Variants in PIWIL1 observed in about 807,000 individuals in gnomAD.
PIWIL1 encodes piwi like RNA-mediated gene silencing 1.
PIWIL1 carries 73 observed loss-of-function variants against 114.4 expected under a neutral mutation model. The ratio of observed to expected loss-of-function variants is 0.64; its 90% CI spans 0.53 to 0.78. The LOEUF (loss-of-function observed/expected upper bound fraction) is 0.78, where lower values mean the gene tolerates loss of function less well. Ranked by LOEUF, PIWIL1 falls within the 30% of genes least tolerant of loss-of-function variation. PIWIL1 has a pLI of 0.00. For missense variants in PIWIL1, 723 were observed against 1,063.1 expected (o/e 0.68, Z 4.45); for synonymous variants, 375 against 369.0 (o/e 1.02, Z -0.19).
chr12:130,406,276 T>C, the PIWIL1 span: 2 of 1,436,244 alleles, frequency 1.4e-6, no homozygotes, highest in Non-Finnish European at 2.0e-6. Context: ...TAATCGTATT[T>C]TTCTACACAA....
the PIWIL1 span, among the ~76,000 whole-genome samples, chr12:130,391,792 C>T: frequency 2.2e-4 from 4 of 18,490 alleles, no homozygotes; most frequent in African/African-American, 6.9e-4. Context: ...CCACCTGCGA[C>T]ACCCATGGGG....
the PIWIL1 span, chr12:130,424,660 T>G: frequency 4.1e-6 from 5 of 1,231,652 alleles, no homozygotes; most frequent in Non-Finnish European, 5.1e-6. This position sits in a 1 kb window ranked among gnomAD's most constrained non-coding sequence, Gnocchi z 9.8. Context: ...CTGTAGGGCC[T>G]GCCGGGCCTG....
intron 9 of PIWIL1, among the ~76,000 whole-genome samples, chr12:130,353,275 GT>G (rs1185457419): frequency 2.3e-4 from 33 of 142,106 alleles, no homozygotes; most frequent in Non-Finnish European, 3.2e-4. Context: ...GGAGGTGTGT[GT>G]GTGGTTTTTT....
At chr12:130,361,706 A>G (rs2073514442) in intron 16 of PIWIL1, 105 bp downstream of exon 16, 2 of 848,574 alleles carry the variant, frequency 2.4e-6, no homozygotes, top group Non-Finnish European at 3.8e-6. Flanking sequence ...CAGTTTCTCA[A>G]TCATATACAG....
intron 8 of PIWIL1, 75 bp from the exon 9 acceptor site, chr12:130,349,781 G>A: frequency 1.2e-6 from 1 of 838,324 alleles, no homozygotes; most frequent in Non-Finnish European, 1.9e-6. Flanking sequence ...GAGAATACAT[G>A]CTGTCTAGTC....
chr12:130,362,001 G>T (rs766070893), intron 16 of PIWIL1, among the ~76,000 whole-genome samples: 3 of 152,140 alleles, frequency 2.0e-5, no homozygotes, highest in Admixed American at 6.5e-5. Context: ...TAAGGGAATT[G>T]CCAAGAATAG....
the PIWIL1 span, among the ~76,000 whole-genome samples, chr12:130,381,059 AC>A: frequency 2.0e-5 from 3 of 151,132 alleles, no homozygotes; most frequent in African/African-American, 4.9e-5. Context: ...AACATATCCC[AC>A]CCCCCAGAGT....
chr12:130,338,720 G>A (rs1471710173), intron 1 of PIWIL1, among the ~76,000 whole-genome samples: 9 of 114,188 alleles, frequency 7.9e-5, no homozygotes, highest in Admixed American at 7.8e-4. Context: ...GGGTGCGGGG[G>A]CGAGGTCCCA....
Position 130,349,303 on chromosome 12 carries a change from A to G in PIWIL1, c.799A>G (p.Thr267Ala), listed in dbSNP as rs1419448110. ...GTATGAAAACAGCATCATGCTCTGC[A>G]CTGACGTTAGCCATAAAGTCCTTCG... ...LQYENSIMLC[T>A]DVSHKVLRSE... Residue 267 changes from threonine (T) to alanine (A), a missense_variant, in exon 8 of 21, where the codon ACT (threonine) becomes GCT (alanine). Thr to Ala is a moderately conservative substitution (Grantham distance 58). Around this residue, in one of 8 missense-constraint regions of PIWIL1, gnomAD observed 190 missense variants for 294.4 expected, o/e 0.65. Coordinates refer to ENST00000245255, the MANE Select transcript of PIWIL1 (RefSeq NM_004764.5). 2 of 1,614,070 alleles carry G rather than the reference A, an allele frequency of 1.2e-6. No homozygotes were observed. Among genetic ancestry groups the G allele is most frequent in the Non-Finnish European group, 8.5e-7 (1 of 1,180,014 alleles).
chr12:130,389,881 C>T, the PIWIL1 span, among the ~76,000 whole-genome samples: 3 of 152,272 alleles, frequency 2.0e-5, no homozygotes, highest in African/African-American at 7.2e-5. Context: ...GCAAGCTTGT[C>T]GTGCTTTCAT....
the PIWIL1 span, chr12:130,407,702 T>C: frequency 1.9e-6 from 3 of 1,580,128 alleles, no homozygotes; most frequent in East Asian, 2.2e-5. Context: ...GTGTCCGTCA[T>C]GAAGTGCAGT....
chr12:130,423,350 A>G, the PIWIL1 span, among the ~76,000 whole-genome samples: 47,023 of 152,132 alleles, frequency 0.31, 7,934 homozygotes, highest in African/African-American at 0.42. Flanking sequence ...TCACTGAGGC[A>G]CGGATCTCGC....
At chr12:130,348,240 C>A in intron 7 of PIWIL1, 57 bp downstream of exon 7, 1 of 973,624 alleles carries the variant, frequency 1.0e-6, no homozygotes, top group Non-Finnish European at 1.6e-6. Context: ...ACTTTTGAGA[C>A]GATAACCTAA....
At chr12:130,416,778 A>C in the PIWIL1 span, among the ~76,000 whole-genome samples, 78 of 152,146 alleles carry the variant, frequency 5.1e-4, no homozygotes, top group Admixed American at 7.2e-4. Flanking sequence ...AGAGTGAACA[A>C]CACCCTACAG....
chr12:130,348,548 C>T (rs1207272050), intron 7 of PIWIL1, among the ~76,000 whole-genome samples: 1 of 152,170 alleles, frequency 6.6e-6, no homozygotes, highest in African/African-American at 2.4e-5. Context: ...CAGACCTCAG[C>T]ATTATGCAGT....
At position 130,365,543 on chromosome 12, in the gene PIWIL1, G is replaced by A. The variant is rs146565549; in HGVS notation, c.2196-1590G>A. On this transcript the variant is annotated intron_variant, in intron 18 of 20. Transcript: ENST00000245255. ...TAATAGTTATCATTAGAACCACAAT[G>A]TTTGCTTTCAAATTGAAATGTTGCT... Among the ~76,000 whole-genome samples the A allele has an allele frequency of 2.5e-3, 375 of 152,274 alleles. 1 individual carries two copies. The highest frequency in any genetic ancestry group is 7.4e-3 in the African/African-American group (308 of 41,552).
chr12:130,420,569 A>G, the PIWIL1 span, among the ~76,000 whole-genome samples: 1 of 152,234 alleles, frequency 6.6e-6, no homozygotes, highest in Non-Finnish European at 1.5e-5. The surrounding 1 kb of genome is among the most constrained non-coding windows in gnomAD (Gnocchi z 4.3). Flanking sequence ...AAAACTTTAA[A>G]GCTTCTCACT....
chr12:130,339,256 G>C (rs1157990355), intron 1 of PIWIL1, among the ~76,000 whole-genome samples: 2 of 152,136 alleles, frequency 1.3e-5, no homozygotes, highest in African/African-American at 4.8e-5. Context: ...GGAGGGAAAG[G>C]GGCGGCGGGG....
chr12:130,358,890 A>G (rs1182465273), intron 14 of PIWIL1, among the ~76,000 whole-genome samples: 1 of 152,102 alleles, frequency 6.6e-6, no homozygotes, highest in Non-Finnish European at 1.5e-5. Context: ...TTGTACGACT[A>G]TGGCCTGTCG....
Sources: gnomAD v4.1 joint callset for allele counts (sites outside exome capture counted in the v4.1 genomes callset) on GRCh38, gnomAD v4.1.1 for gene constraint, gnomAD v4.1.1 regional missense constraint, Gnocchi (gnomAD v3.1) non-coding constraint, MANE v1.5 for transcripts, NCBI Gene and HGNC (gene_info 2026-07-23, HGNC 2026-07-21) for gene names.